Variants in PXDN observed in about 807,000 individuals in gnomAD.
The protein encoded by PXDN is peroxidasin homolog.
A neutral mutation model predicts 140.3 loss-of-function variants in PXDN; 77 were observed. That is an observed-to-expected ratio of 0.55 (90% confidence interval 0.46 to 0.66). The LOEUF (loss-of-function observed/expected upper bound fraction) is 0.66. Among genes scored for constraint, PXDN ranks in the 30% least tolerant of loss-of-function variants. The pLI, the probability that PXDN is intolerant of heterozygous loss-of-function variation, is 0.00. For synonymous variants in PXDN, 911 were observed against 857.4 expected (o/e 1.06, Z -1.09); for missense variants, 1,838 against 2,039.5 (o/e 0.90, Z 1.90).
rs1188895564 is a variant in PXDN at position 1,685,045 on chromosome 2, C to A, written c.417-894G>T. ...TCATAACTCCACAGAAAGGAGGACTCCTCAGAACGCACGCCTGAGAATCAG... is the reference window on the plus strand; with the variant it reads ...TCATAACTCCACAGAAAGGAGGACTACTCAGAACGCACGCCTGAGAATCAG... On this transcript the variant is annotated intron_variant, in intron 4 of 22. Coordinates refer to ENST00000252804, the MANE Select transcript of PXDN (RefSeq NM_012293.3). This position sits in a 1 kb window ranked among gnomAD's most constrained non-coding sequence, Gnocchi z 5.1. Among the ~76,000 whole-genome samples the A allele has an allele frequency of 6.6e-6, 1 of 152,212 alleles. No individual in the cohort carries two copies. Among genetic ancestry groups the A allele is most frequent in the Non-Finnish European group, 1.5e-5 (1 of 68,040 alleles).
At chr2:1,642,398 G>C (rs1682749114) in intron 19 of PXDN, among the ~76,000 whole-genome samples, 1 of 152,230 alleles carries the variant, frequency 6.6e-6, no homozygotes, top group African/African-American at 2.4e-5. Context: ...AGGTGGTGGA[G>C]AATATGTGGA....
intron 1 of PXDN, among the ~76,000 whole-genome samples, chr2:1,724,803 A>T (rs1183066186): frequency 6.6e-6 from 1 of 152,156 alleles, no homozygotes; most frequent in African/African-American, 2.4e-5. Context: ...AATGCCTCAT[A>T]TTTTGTTCTC....
At chr2:1,657,521 C>T (rs543005303) in intron 14 of PXDN, among the ~76,000 whole-genome samples, 2 of 152,132 alleles carry the variant, frequency 1.3e-5, no homozygotes, top group South Asian at 2.1e-4. Flanking sequence ...GGACGTCCCC[C>T]TCCTGACTGG....
intron 1 of PXDN, among the ~76,000 whole-genome samples, chr2:1,702,753 C>A (rs1808467): frequency 0.49 from 73,195 of 150,452 alleles, 18,075 homozygotes; most frequent in South Asian, 0.51. Context: ...CTCAGCCTCC[C>A]GAGTAGCTGG....
At chr2:1,635,307 G>A in intron 22 of PXDN, 101 bp downstream of exon 22, 2 of 969,158 alleles carry the variant, frequency 2.1e-6, no homozygotes, top group Non-Finnish European at 3.2e-6. Context: ...AGGCGGGGAG[G>A]GGCCTGGCCC....
chr2:1,691,394 A>G (rs1250848595), intron 3 of PXDN, among the ~76,000 whole-genome samples: 1 of 152,240 alleles, frequency 6.6e-6, no homozygotes, highest in African/African-American at 2.4e-5. Context: ...TAAATCGATT[A>G]AAATCAGTTT....
intron 21 of PXDN, chr2:1,636,739 C>T (rs1026222955): frequency 4.0e-5 from 6 of 151,314 alleles, no homozygotes; most frequent in African/African-American, 1.5e-4. Flanking sequence ...GCACAGGGGC[C>T]AGAGAGCACT....
intron 11 of PXDN, 180 bp from the exon 12 acceptor site, chr2:1,663,943 G>A (rs975589342): frequency 1.7e-5 from 11 of 660,994 alleles, no homozygotes; most frequent in Non-Finnish European, 2.3e-5. Context: ...ACACCTGAAC[G>A]TCCCTGCACC....
intron 22 of PXDN, among the ~76,000 whole-genome samples, chr2:1,635,117 G>A (rs1682514881): frequency 6.6e-6 from 1 of 150,630 alleles, no homozygotes; most frequent in Non-Finnish European, 1.5e-5. Flanking sequence ...GCTGGTGGGA[G>A]GTGAAGCCAG....
At position 1,744,319 on chromosome 2, in the gene PXDN, G is replaced by A; in HGVS notation, c.137C>T (p.Thr46Ile). The A allele has an allele frequency of 3.3e-6, 5 of 1,528,770 alleles. No homozygotes were observed. Among genetic ancestry groups the A allele is most frequent in the Non-Finnish European group, 4.4e-6 (5 of 1,144,118 alleles). 94.7% of individuals were successfully genotyped at this position (1,528,770 alleles called of 1,614,324 possible). ...CPSRCLCFRT[T>I]VRCMHLLLEA... The stretch of plus-strand genomic sequence containing the variant: ...CAGCAGCAGATGCATGCAGCGCACG[G>A]TGGTGCGGAAGCACAGGCAGCGGCT... Residue 46 changes from threonine (T) to isoleucine (I), a missense_variant, in exon 1 of 23, where the codon ACC (threonine) becomes ATC (isoleucine). This residue lies in a region of PXDN where 231 missense variants were observed against 201.5 expected (regional missense o/e 1.15). Transcript: ENST00000252804.
chr2:1,679,047 C>G (rs1174256586), intron 7 of PXDN, among the ~76,000 whole-genome samples: 1 of 151,882 alleles, frequency 6.6e-6, no homozygotes, highest in Non-Finnish European at 1.5e-5. Flanking sequence ...ACAGGGAGAT[C>G]CTTTCACCTT....
At chr2:1,728,053 A>G (rs1685230126) in intron 1 of PXDN, among the ~76,000 whole-genome samples, 1 of 152,188 alleles carries the variant, frequency 6.6e-6, no homozygotes, top group Non-Finnish European at 1.5e-5. Context: ...CTCCTGCCTC[A>G]GCCTCCAAGT....
In PXDN at chr2:1,723,952, A is replaced by G. The variant is rs116229451; in HGVS notation, c.200+20304T>C. The stretch of plus-strand genomic sequence containing the variant: ...TTAAAAGTGTTGCTCTGCTGGTTAT[A>G]GATTTTTAGAAATATTTGCTTCATG... On this transcript the variant is annotated intron_variant, in intron 1 of 22. Coordinates refer to ENST00000252804, the MANE Select transcript of PXDN (RefSeq NM_012293.3). 5.6e-3 allele frequency among the ~76,000 whole-genome samples: 859 copies of G among 152,356 alleles called. 12 individuals are homozygous for G. Among genetic ancestry groups the G allele is most frequent in the African/African-American group, 0.02 (822 of 41,586 alleles).
chr2:1,634,882 G>A (rs1441850563), intron 22 of PXDN, among the ~76,000 whole-genome samples: 1 of 152,188 alleles, frequency 6.6e-6, no homozygotes, highest in Non-Finnish European at 1.5e-5. Flanking sequence ...TTTCCACGGA[G>A]CCTGGTTCCA....
intron 1 of PXDN, among the ~76,000 whole-genome samples, chr2:1,713,005 G>A (rs191214969): frequency 8.5e-5 from 13 of 152,288 alleles, no homozygotes; most frequent in Non-Finnish European, 1.3e-4. Context: ...GACTACAGGC[G>A]TGAGCCACTG....
At position 1,744,487 on chromosome 2, in the gene PXDN, C is replaced by G. The variant is rs966675770; in HGVS notation, c.-32G>C. ...CGGCGCGGACGGACGCTCGGACGCA[C>G]GGAGCCACCACGGCCGGCTCCCGAC... On this transcript the variant is annotated 5_prime_UTR_variant, in exon 1 of 23. Coordinates refer to ENST00000252804, the MANE Select transcript of PXDN (RefSeq NM_012293.3). 1.2e-5 allele frequency: 17 copies of G among 1,411,096 alleles called. No individual in the cohort carries two copies. The African/African-American group carries it at 1.8e-4, about 15-fold the overall frequency. The allele number at this position is 1,411,096 out of a possible 1,614,324, so 87.4% of individuals were successfully genotyped here. A position where few individuals can be genotyped will look rare whatever the true frequency, so the allele number is the denominator to read the frequency against.
chr2:1,633,015 A>G lies in PXDN; in HGVS notation c.*1189T>C, dbSNP rs1682450955. On this transcript the variant is annotated 3_prime_UTR_variant, in exon 23 of 23. Transcript: ENST00000252804. Reference sequence around the variant, plus strand: ...TGGAAGGTTTTGGTCAATTAAAGAGAGACCATGAGGTATGAGAGTTGATTT... The same window carrying G: ...TGGAAGGTTTTGGTCAATTAAAGAGGGACCATGAGGTATGAGAGTTGATTT... 6.6e-6 allele frequency: 1 copy of G among 152,646 alleles called. No homozygotes were observed. The highest frequency in any genetic ancestry group is 2.4e-5 in the African/African-American group (1 of 41,450). The allele number at this position is 152,646 out of a possible 1,614,324, so 9.5% of individuals were successfully genotyped here.
chr2:1,742,196 C>T (rs1338254287), intron 1 of PXDN, among the ~76,000 whole-genome samples: 2 of 152,238 alleles, frequency 1.3e-5, no homozygotes, highest in African/African-American at 4.8e-5. Context: ...TCTCCCAGAG[C>T]TTCTGTTTCC....
intron 7 of PXDN, among the ~76,000 whole-genome samples, chr2:1,679,964 G>A (rs1280642577): frequency 3.4e-5 from 5 of 146,116 alleles, no homozygotes; most frequent in Non-Finnish European, 6.0e-5. Context: ...TTGTGTCTAC[G>A]TGTGTGTCTG....
Sources: allele counts gnomAD v4.1 joint callset (sites outside exome capture counted in the v4.1 genomes callset), GRCh38; gene constraint gnomAD v4.1.1; regional missense constraint gnomAD v4.1.1; non-coding constraint Gnocchi (gnomAD v3.1); transcripts MANE v1.5; gene names NCBI Gene and HGNC (gene_info 2026-07-23, HGNC 2026-07-21).